STK35: variants seen among roughly 807,000 people sequenced by gnomAD.
The protein encoded by STK35 is serine/threonine-protein kinase 35.
Under a neutral mutation model 37.3 loss-of-function variants are expected in STK35, and 17 were observed. The ratio of observed to expected loss-of-function variants is 0.46; its 90% CI spans 0.31 to 0.68. The LOEUF (loss-of-function observed/expected upper bound fraction) is 0.68. STK35 is among the 30% of genes least tolerant of loss of function. The probability of loss-of-function intolerance (pLI) is 0.05; values close to 1 mark genes in which losing one functional copy is unlikely to be tolerated. For synonymous variants in STK35, 385 were observed against 319.1 expected (o/e 1.21, Z -2.20); for missense variants, 595 against 746.7 (o/e 0.80, Z 2.37).
chr20:2,134,081 A>G (rs1262510302), intron 3 of STK35, among the ~76,000 whole-genome samples: 1 of 152,064 alleles, frequency 6.6e-6, no homozygotes, highest in African/African-American at 2.4e-5. Context: ...TCTCCTCCTG[A>G]TAACATTCGT....
intron 3 of STK35, among the ~76,000 whole-genome samples, chr20:2,128,008 C>A (rs1302608689): frequency 6.6e-6 from 1 of 152,168 alleles, no homozygotes; most frequent in African/African-American, 2.4e-5. Flanking sequence ...CTTGATCCCA[C>A]CCCCCAACAC....
chr20:2,107,332 G>A (rs981581427), intron 2 of STK35, among the ~76,000 whole-genome samples: 1 of 152,228 alleles, frequency 6.6e-6, no homozygotes, highest in African/African-American at 2.4e-5. Flanking sequence ...AAGTTTGGGA[G>A]AGCCGGGAGC....
chr20:2,119,136 A>G (rs1205716583), intron 3 of STK35, among the ~76,000 whole-genome samples: 2 of 152,172 alleles, frequency 1.3e-5, no homozygotes, highest in African/African-American at 4.8e-5. Flanking sequence ...CATGTGTAGT[A>G]TTTTCAATGA....
intron 2 of STK35, 135 bp downstream of exon 2, chr20:2,103,500 C>T (rs1482226057): frequency 5.0e-6 from 4 of 794,050 alleles, no homozygotes; most frequent in South Asian, 3.8e-5. Flanking sequence ...ACACACCCTC[C>T]TTTCCTGGGC....
chr20:2,132,841 A>G (rs1235830775), intron 3 of STK35, among the ~76,000 whole-genome samples: 4 of 152,166 alleles, frequency 2.6e-5, no homozygotes, highest in African/African-American at 9.7e-5. Flanking sequence ...TGGGCAAGTG[A>G]TCTACCTTCT....
chr20:2,102,061 C>G lies in STK35; in HGVS notation c.180C>G (p.Ala60=). 6.6e-7 allele frequency: 1 copy of G among 1,522,490 alleles called. No homozygotes were observed. The highest frequency in any genetic ancestry group is 8.8e-7 in the Non-Finnish European group (1 of 1,139,856). 94.3% of individuals were successfully genotyped at this position (1,522,490 alleles called of 1,614,324 possible). ...AEGSATRRAR[A]ATSRAARSRR... is the part of the protein sequence containing the mutation. ...GATCCGCTACACGCCGGGCTCGGGC[C>G]GCCACCTCCCGCGCTGCTCGGTCCC... The change falls in exon 1 of 4, where the codon GCC becomes GCG. Residue 60 remains alanine, a synonymous_variant. Coordinates refer to ENST00000381482, the MANE Select transcript of STK35 (RefSeq NM_080836.4).
intron 2 of STK35, among the ~76,000 whole-genome samples, chr20:2,110,846 G>A (rs961673144): frequency 3.9e-5 from 6 of 152,176 alleles, no homozygotes; most frequent in Non-Finnish European, 7.3e-5. Flanking sequence ...CCAGGTGTGC[G>A]ATTTTGCTGC....
At chr20:2,107,640 G>A (rs1266113005) in intron 2 of STK35, among the ~76,000 whole-genome samples, 2 of 152,196 alleles carry the variant, frequency 1.3e-5, no homozygotes, top group African/African-American at 2.4e-5. Flanking sequence ...GAAGCTGAGG[G>A]AGGAACTATA....
Position 2,144,458 on chromosome 20 carries a change from A to ATACGGC in STK35, c.*712_*713insTACGGC. The ATACGGC allele has an allele frequency of 6.4e-6, 1 of 155,234 alleles. No homozygotes were observed. The highest frequency in any genetic ancestry group is 1.9e-4 in the East Asian group (1 of 5,214). 9.6% of individuals were successfully genotyped at this position (155,234 alleles called of 1,614,324 possible). On this transcript the variant is annotated 3_prime_UTR_variant, in exon 4 of 4. Transcript: ENST00000381482. ...AGGCTTTGTTGTGTTTAAGCTATTG[A>ATACGGC]GAGCCCCAGGCCACACCAGGACTTG...
In STK35 at chr20:2,103,055, TG is replaced by T; in HGVS notation, c.584del (p.Gly195AlafsTer80). The stretch of plus-strand genomic sequence containing the variant: ...TGGCGCGGCGACGGCCTGAGGGCGG[TG>T]GCGGGTCCGCGCGGCCGCGTTACAG... ...FLARRRPEGG[G>X]GSARPRYSLL... is the part of the protein sequence containing the mutation. On this transcript the variant is annotated frameshift_variant, in exon 2 of 4. Transcript: ENST00000381482. LOFTEE classifies it high-confidence loss of function. 6.4e-7 allele frequency: 1 copy of T among 1,561,448 alleles called. No homozygotes were observed.
intron 3 of STK35, among the ~76,000 whole-genome samples, chr20:2,126,184 G>A (rs759802261): frequency 6.6e-6 from 1 of 152,162 alleles, no homozygotes; most frequent in Non-Finnish European, 1.5e-5. Context: ...ATAGCCCTGT[G>A]TCGAAAGATT....
intron 3 of STK35, among the ~76,000 whole-genome samples, chr20:2,118,382 C>T (rs1985756563): frequency 6.6e-6 from 1 of 151,744 alleles, no homozygotes; most frequent in Non-Finnish European, 1.5e-5. Flanking sequence ...AGATCAAGAC[C>T]ATCCTGGCTA....
intron 3 of STK35, among the ~76,000 whole-genome samples, chr20:2,133,871 G>A (rs1986039665): frequency 6.6e-6 from 1 of 152,150 alleles, no homozygotes; most frequent in African/African-American, 2.4e-5. Context: ...TGGCACACTT[G>A]AGATACAGCT....
chr20:2,132,476 T>C (rs2122577045), intron 3 of STK35, among the ~76,000 whole-genome samples: 1 of 152,356 alleles, frequency 6.6e-6, no homozygotes, highest in African/African-American at 2.4e-5. Flanking sequence ...GAGCCTTGAA[T>C]GCCAGCCTGA....
chr20:2,115,447 T>C (rs1444245784), intron 2 of STK35, among the ~76,000 whole-genome samples: 1 of 152,036 alleles, frequency 6.6e-6, no homozygotes, highest in African/African-American at 2.4e-5. Flanking sequence ...AGGTCCTGGC[T>C]CAGTTACAAA....
chr20:2,102,648 G>A, intron 1 of STK35, 120 bp from the exon 2 acceptor site: 2 of 924,126 alleles, frequency 2.2e-6, no homozygotes, highest in South Asian at 2.6e-5. Flanking sequence ...ATCAGCGGCG[G>A]TGGCTTCCGT....
At chr20:2,136,594 T>G (rs1285861795) in intron 3 of STK35, among the ~76,000 whole-genome samples, 1 of 151,770 alleles carries the variant, frequency 6.6e-6, no homozygotes, top group African/African-American at 2.4e-5. Context: ...GAGATTTTTT[T>G]ATAATCATGT....
intron 2 of STK35, among the ~76,000 whole-genome samples, chr20:2,104,604 G>A (rs912758346): frequency 1.1e-4 from 16 of 152,212 alleles, no homozygotes; most frequent in African/African-American, 3.6e-4. Flanking sequence ...TTTTAAGAGT[G>A]GGTAGGATTT....
chr20:2,140,669 G>A (rs1388509085), intron 3 of STK35, among the ~76,000 whole-genome samples: 1 of 152,196 alleles, frequency 6.6e-6, no homozygotes, highest in Admixed American at 6.5e-5. Context: ...CCTGTAGGCT[G>A]TTCTGAGGCT....
Sources: gnomAD v4.1 joint callset for allele counts (sites outside exome capture counted in the v4.1 genomes callset) on GRCh38, gnomAD v4.1.1 for gene constraint, MANE v1.5 for transcripts, NCBI Gene and HGNC (gene_info 2026-07-23, HGNC 2026-07-21) for gene names.